Variants in NPR3 observed in about 807,000 individuals in gnomAD.
NPR3 encodes atrial natriuretic peptide receptor 3.
In NPR3, 34 loss-of-function variants were observed where a neutral mutation model predicts 54.5. That is an observed-to-expected ratio of 0.62 (90% CI 0.47 to 0.83). The LOEUF (loss-of-function observed/expected upper bound fraction) is 0.83. Ranked by LOEUF, NPR3 falls within the 40% of genes least tolerant of loss-of-function variation. The pLI is 0.00. For synonymous variants in NPR3, 289 were observed against 297.1 expected, an observed-to-expected ratio of 0.97 and a Z score of 0.28; for missense variants, 674 against 720.8, an observed-to-expected ratio of 0.94 and a Z score of 0.74.
At chr5:32,698,307 C>T (rs1348947653) in intron 1 of NPR3, among the ~76,000 whole-genome samples, 3 of 151,860 alleles carry the variant, frequency 2.0e-5, no homozygotes, top group Non-Finnish European at 4.4e-5. Context: ...TCAAATTCCC[C>T]TTATTTTTTA....
chr5:32,755,481 C>T (rs1352961581), intron 3 of NPR3, among the ~76,000 whole-genome samples: 1 of 152,146 alleles, frequency 6.6e-6, no homozygotes, highest in Non-Finnish European at 1.5e-5. Context: ...CCGTGAGCTC[C>T]TTCTCTGGGT....
Position 32,787,009 on chromosome 5 carries a change from T to C in NPR3, c.*664T>C, listed in dbSNP as rs1398252361. On this transcript the variant is annotated 3_prime_UTR_variant, in exon 8 of 8. Transcript: ENST00000265074. The stretch of plus-strand genomic sequence containing the variant: ...TTACAGAAGAAAAGCAAGTCAAAAA[T>C]ATTTCCTTTTTGATGTAAAAAAAAA... The C allele has an allele frequency of 1.3e-5, 2 of 151,426 alleles. No individual in the cohort carries two copies. Among genetic ancestry groups the C allele is most frequent in the Admixed American group, 1.3e-4 (2 of 15,234 alleles). 9.4% of individuals were successfully genotyped at this position (151,426 alleles called of 1,614,324 possible).
upstream of NPR3, among the ~76,000 whole-genome samples, chr5:32,708,338 T>G (rs1738052139): frequency 6.6e-6 from 1 of 152,184 alleles, no homozygotes; most frequent in Admixed American, 6.5e-5. Flanking sequence ...AAGTTATTTC[T>G]ATTTTTTCCT....
chr5:32,742,098 C>T (rs986941530), intron 3 of NPR3, among the ~76,000 whole-genome samples: 5 of 151,792 alleles, frequency 3.3e-5, no homozygotes, highest in African/African-American at 1.2e-4. Flanking sequence ...CTTTTTGCTT[C>T]TCTTATTTGT....
chr5:32,761,868 G>A (rs962693693), intron 3 of NPR3, among the ~76,000 whole-genome samples: 9 of 151,072 alleles, frequency 6.0e-5, no homozygotes, highest in East Asian at 1.9e-4. Flanking sequence ...AGGTATACAC[G>A]TGCCATGGTG....
rs142348472 is a variant in NPR3 at position 32,692,271 on chromosome 5, A to T, written c.100+3085A>T. ...CTTAGACATGAGAAATTACCCAAGAAGAAAGGCATTTCCATGTCATAACTC... is the reference window on the plus strand; with the variant it reads ...CTTAGACATGAGAAATTACCCAAGATGAAAGGCATTTCCATGTCATAACTC... On this transcript the variant is annotated intron_variant, in intron 1 of 5. Transcript: ENST00000509104. Among the ~76,000 whole-genome samples the T allele has an allele frequency of 5.6e-3, 852 of 152,372 alleles. 13 individuals are homozygous for T. Among genetic ancestry groups the T allele is most frequent in the African/African-American group, 0.019 (809 of 41,582 alleles).
intron 2 of NPR3, among the ~76,000 whole-genome samples, chr5:32,732,228 A>G (rs1739497490): frequency 1.5e-5 from 2 of 134,466 alleles, no homozygotes; most frequent in African/African-American, 2.9e-5. Flanking sequence ...GGCCTGGGCG[A>G]CAGAGCGAGA....
chr5:32,710,859 G>T (rs879052880), upstream of NPR3: 601 of 979,190 alleles, frequency 6.1e-4, 5 homozygotes, highest in Admixed American at 1.8e-3. Context: ...CCCAGTCCTG[G>T]TTTTTTTTTT....
At chr5:32,691,469 T>C (rs1740386987) in intron 1 of NPR3, among the ~76,000 whole-genome samples, 1 of 152,242 alleles carries the variant, frequency 6.6e-6, no homozygotes. Flanking sequence ...CCAAAACTTA[T>C]GTTCAAACTC....
upstream of NPR3, chr5:32,710,892 ATATGTG>A (rs1561072855): frequency 5.9e-6 from 5 of 850,194 alleles, no homozygotes; most frequent in Non-Finnish European, 6.3e-6. Flanking sequence ...GTGTGTGTGT[ATATGTG>A]TGTGTGTGTG....
chr5:32,695,402 C>G (rs1740499731), intron 1 of NPR3, among the ~76,000 whole-genome samples: 2 of 152,268 alleles, frequency 1.3e-5, no homozygotes, highest in Middle Eastern at 3.4e-3. Flanking sequence ...CTAGCTGGGA[C>G]TACAGGTGCC....
At position 32,784,881 on chromosome 5, in the gene NPR3, C is replaced by T. The variant is rs1202534174; in HGVS notation, c.1512C>T (p.Phe504=). Reference sequence around the variant, plus strand: ...GCTTGCTAATGGCCTTCTACTTTTTCAGGTGAGGACGGTTTGTAAAGGTAC... The same window carrying T: ...GCTTGCTAATGGCCTTCTACTTTTTTAGGTGAGGACGGTTTGTAAAGGTAC... The part of the protein sequence containing the change: ...GAGLLMAFYF[F]RKKYRITIER... Residue 504 remains phenylalanine, a splice_region_variant and synonymous_variant, in exon 7 of 8, where the codon TTC becomes TTT. Transcript: ENST00000265074. 2 of 1,610,082 alleles carry T rather than the reference C, an allele frequency of 1.2e-6. No individual in the cohort carries two copies. Among genetic ancestry groups the T allele is most frequent in the South Asian group, 1.1e-5 (1 of 91,016 alleles).
chr5:32,702,354 A>T (rs2111819059), intron 1 of NPR3, among the ~76,000 whole-genome samples: 1 of 151,754 alleles, frequency 6.6e-6, no homozygotes, highest in Non-Finnish European at 1.5e-5. Flanking sequence ...GGTGTGCTGC[A>T]CCCAATAACT....
At chr5:32,778,884 A>G (rs141219222) in intron 4 of NPR3, among the ~76,000 whole-genome samples, 6 of 152,358 alleles carry the variant, frequency 3.9e-5, no homozygotes, top group African/African-American at 1.4e-4. Context: ...ACATCTCTCA[A>G]TAGAATGACA....
At chr5:32,729,547 A>G (rs1739347945) in intron 2 of NPR3, among the ~76,000 whole-genome samples, 1 of 152,226 alleles carries the variant, frequency 6.6e-6, no homozygotes. Flanking sequence ...AGGCAGTTTC[A>G]TCATTGTATG....
At chr5:32,738,799 G>A (rs1739885793) in intron 2 of NPR3, 65 bp from the exon 3 acceptor site, 1 of 1,457,662 alleles carries the variant, frequency 6.9e-7, no homozygotes, top group Admixed American at 1.9e-5. Flanking sequence ...TCACAGTTGT[G>A]AAGGGAGAAT....
intron 2 of NPR3, among the ~76,000 whole-genome samples, chr5:32,735,658 A>G (rs949929076): frequency 6.6e-6 from 1 of 152,062 alleles, no homozygotes; most frequent in Non-Finnish European, 1.5e-5. Flanking sequence ...CCCAAGGCTG[A>G]TTCTCATCAT....
intron 2 of NPR3, among the ~76,000 whole-genome samples, chr5:32,728,837 GTATATA>G (rs70961659): frequency 4.0e-4 from 19 of 48,004 alleles, no homozygotes; most frequent in South Asian, 1.2e-3. Flanking sequence ...GTGTGTGTGT[GTATATA>G]TATATATATA....
intron 2 of NPR3, among the ~76,000 whole-genome samples, chr5:32,729,885 T>G (rs903234983): frequency 3.3e-5 from 5 of 152,216 alleles, no homozygotes; most frequent in Non-Finnish European, 5.9e-5. Context: ...ATAGTACAAT[T>G]ATCAAAACAG....
Sources: gnomAD v4.1 joint callset for allele counts (sites outside exome capture counted in the v4.1 genomes callset) on GRCh38, gnomAD v4.1.1 for gene constraint, MANE v1.5 for transcripts, NCBI Gene and HGNC (gene_info 2026-07-23, HGNC 2026-07-21) for gene names.